TP63: variants seen among roughly 807,000 people sequenced by gnomAD.
TP63 encodes tumor protein p63.
A neutral mutation model predicts 82.8 loss-of-function variants in TP63; 17 were observed. The ratio of observed to expected loss-of-function variants is 0.21; its 90% CI spans 0.14 to 0.31. The LOEUF is 0.31. Among genes scored for constraint, TP63 ranks in the 10% least tolerant of loss-of-function variants. The probability of loss-of-function intolerance (pLI) is 1.00; values close to 1 mark genes in which losing one functional copy is unlikely to be tolerated. For missense variants in TP63, 648 were observed against 895.3 expected, an observed-to-expected ratio of 0.72 and a Z score of 3.52; for synonymous variants, 330 against 321.7, an observed-to-expected ratio of 1.03 and a Z score of -0.28.
intron 1 of TP63, among the ~76,000 whole-genome samples, chr3:189,716,879 GCCTCCA>G (rs760065577): frequency 3.7e-4 from 56 of 151,592 alleles, no homozygotes; most frequent in Non-Finnish European, 3.7e-4. Context: ...GCTCATTGCA[GCCTCCA>G]CCTCTCAGCT....
At chr3:189,836,155 T>A (rs1478287489) in intron 4 of TP63, among the ~76,000 whole-genome samples, 1 of 152,114 alleles carries the variant, frequency 6.6e-6, no homozygotes, top group Admixed American at 6.5e-5. Flanking sequence ...CAGGAAACTG[T>A]TAATTTTGGA....
At chr3:189,737,436 A>G (rs1027589863) in intron 1 of TP63, among the ~76,000 whole-genome samples, 2 of 152,156 alleles carry the variant, frequency 1.3e-5, no homozygotes, top group Non-Finnish European at 2.9e-5. Flanking sequence ...TTCAAAATCT[A>G]CAGAACACAG....
intron 3 of TP63, among the ~76,000 whole-genome samples, chr3:189,739,644 C>T (rs1325914838): frequency 6.6e-6 from 1 of 152,144 alleles, no homozygotes; most frequent in African/African-American, 2.4e-5. Flanking sequence ...CCCAGTTCCT[C>T]ATTTATAAAG....
At chr3:189,672,618 AAAAAAGG>A (rs1368027403) in intron 1 of TP63, among the ~76,000 whole-genome samples, 40 of 130,872 alleles carry the variant, frequency 3.1e-4, no homozygotes, top group Non-Finnish European at 3.4e-5. Context: ...AGATAGAAAG[AAAAAAGG>A]AAGGAAGGAA....
At chr3:189,798,054 T>G (rs1725895489) in intron 3 of TP63, among the ~76,000 whole-genome samples, 1 of 151,862 alleles carries the variant, frequency 6.6e-6, no homozygotes, top group Non-Finnish European at 1.5e-5. Flanking sequence ...CCTGGGAGGG[T>G]AGAGGATGTG....
At chr3:189,696,068 C>G (rs1400175425) in intron 1 of TP63, among the ~76,000 whole-genome samples, 1 of 152,044 alleles carries the variant, frequency 6.6e-6, no homozygotes, top group Non-Finnish European at 1.5e-5. Context: ...TTTTAATTTG[C>G]ACACATTAAG....
chr3:189,872,729 A>T, intron 9 of TP63, 130 bp from the exon 10 acceptor site: 1 of 1,382,284 alleles, frequency 7.2e-7, no homozygotes, highest in Non-Finnish European at 1.0e-6. Context: ...GTTGATTTTC[A>T]TGTTACAAAT....
At chr3:189,754,597 G>C (rs1479018049) in intron 3 of TP63, among the ~76,000 whole-genome samples, 1 of 152,022 alleles carries the variant, frequency 6.6e-6, no homozygotes, top group Admixed American at 6.6e-5. Flanking sequence ...CCTTTTCCTG[G>C]ATCAAGAAGG....
At chr3:189,751,775 G>C (rs933966451) in intron 3 of TP63, among the ~76,000 whole-genome samples, 2 of 152,112 alleles carry the variant, frequency 1.3e-5, no homozygotes, top group African/African-American at 4.8e-5. Flanking sequence ...TAGGTTGCCT[G>C]TTCTCTCTGA....
In TP63 at chr3:189,660,234, G is replaced by A. The variant is rs546691047; in HGVS notation, c.62+28657G>A. ...GTTTTAATATTTGTTTATGATGAAAGGTAGGGGGTCCAGTTTCATCTTCTG... is the reference window on the plus strand; with the variant it reads ...GTTTTAATATTTGTTTATGATGAAAAGTAGGGGGTCCAGTTTCATCTTCTG... On this transcript the variant is annotated intron_variant, in intron 1 of 13. Coordinates refer to ENST00000264731, the MANE Select transcript of TP63 (RefSeq NM_003722.5). Among the ~76,000 whole-genome samples the A allele has an allele frequency of 3.9e-5, 6 of 152,082 alleles. No homozygotes were observed. The South Asian group carries it at 1.2e-3, about 32-fold the overall frequency.
At chr3:189,736,487 A>G (rs1333076452) in intron 1 of TP63, among the ~76,000 whole-genome samples, 3 of 152,112 alleles carry the variant, frequency 2.0e-5, no homozygotes, top group East Asian at 1.9e-4. Context: ...TGATTCTTCA[A>G]ATAAAATTAC....
Position 189,693,817 on chromosome 3 carries a change from T to G in TP63, c.63-43923T>G, listed in dbSNP as rs193056844. On this transcript the variant is annotated intron_variant, in intron 1 of 13. Transcript: ENST00000264731. ...TCACGGTGCCTGGTGTTCTCATTTC[T>G]AAAATGTAGGTGGTGATAACAAAGA... Among the ~76,000 whole-genome samples, 422 of 152,310 alleles carry G rather than the reference T, an allele frequency of 2.8e-3. 1 individual carries two copies. Among genetic ancestry groups the G allele is most frequent in the African/African-American group, 9.6e-3 (397 of 41,570 alleles).
Position 189,738,677 on chromosome 3 carries a change from T to G in TP63, c.227T>G (p.Phe76Cys). ...TCAGTTCAGCCCATTGACTTGAACT[T>G]TGTGGATGAACCATCAGAAGATGGT... ...ICSVQPIDLN[F>C]VDEPSEDGAT... Residue 76 changes from phenylalanine (F) to cysteine (C), a missense_variant, in exon 3 of 14, where the codon TTT becomes TGT. By Grantham distance (205) the Phe-to-Cys change is radical (BLOSUM62 -2). Around this residue, in one of 5 missense-constraint regions of TP63, gnomAD observed 182 missense variants for 213.6 expected, o/e 0.85. Coordinates refer to ENST00000264731, the MANE Select transcript of TP63 (RefSeq NM_003722.5). The G allele has an allele frequency of 1.9e-6, 3 of 1,614,140 alleles. No individual in the cohort carries two copies. The highest frequency in any genetic ancestry group is 2.5e-6 in the Non-Finnish European group (3 of 1,179,998).
At chr3:189,625,962 C>T in the TP63 span, among the ~76,000 whole-genome samples, 3 of 152,042 alleles carry the variant, frequency 2.0e-5, no homozygotes, top group Non-Finnish European at 2.9e-5. Flanking sequence ...CTCTTTCCTT[C>T]GGACACTCCC....
At chr3:189,721,714 C>T (rs755284570) in intron 1 of TP63, among the ~76,000 whole-genome samples, 2 of 152,144 alleles carry the variant, frequency 1.3e-5, no homozygotes, top group Non-Finnish European at 2.9e-5. Flanking sequence ...TATCCAGCTG[C>T]CCAGGTGATT....
At chr3:189,887,578 C>G (rs949307564) in intron 11 of TP63, among the ~76,000 whole-genome samples, 1 of 152,102 alleles carries the variant, frequency 6.6e-6, no homozygotes, top group African/African-American at 2.4e-5. Flanking sequence ...AGGACTAAAT[C>G]TAGCAAAGTG....
chr3:189,782,531 G>A (rs991693795), intron 3 of TP63, among the ~76,000 whole-genome samples: 3 of 152,030 alleles, frequency 2.0e-5, no homozygotes, highest in African/African-American at 7.2e-5. Context: ...ATATTTAGTA[G>A]CCATCTTCAG....
Position 189,890,801 on chromosome 3 carries a change from G to A in TP63, c.1665G>A (p.Arg555=), listed in dbSNP as rs777488075. The change falls in exon 13 of 14, where the codon AGG becomes AGA. Residue 555 remains arginine, a synonymous_variant. Coordinates refer to ENST00000264731, the MANE Select transcript of TP63 (RefSeq NM_003722.5). ...TDCSIVSFLA[R]LGCSSCLDYF... ...CCTCCCTCTGCAGTTTCTTAGCGAGGTTGGGCTGTTCATCATGTCTGGACT... is the reference window on the plus strand; with the variant it reads ...CCTCCCTCTGCAGTTTCTTAGCGAGATTGGGCTGTTCATCATGTCTGGACT... The A allele has an allele frequency of 1.3e-5, 21 of 1,613,880 alleles. No homozygotes were observed. The highest frequency in any genetic ancestry group is 3.3e-5 in the South Asian group (3 of 91,086).
intron 3 of TP63, among the ~76,000 whole-genome samples, chr3:189,793,386 A>C (rs1725359201): frequency 6.6e-6 from 1 of 152,074 alleles, no homozygotes; most frequent in Admixed American, 6.6e-5. Flanking sequence ...GCAACCAAAA[A>C]AATATTGGTT....
Sources: allele counts gnomAD v4.1 joint callset (sites outside exome capture counted in the v4.1 genomes callset), GRCh38; gene constraint gnomAD v4.1.1; regional missense constraint gnomAD v4.1.1; transcripts MANE v1.5; gene names NCBI Gene and HGNC (gene_info 2026-07-23, HGNC 2026-07-21).